The following GALNT18 variants were observed in gnomAD, a reference collection of about 807,000 sequenced individuals.
GALNT18 encodes GalNAc-transferase 18.
In GALNT18, 44 loss-of-function variants were observed where a neutral mutation model predicts 69.5. That is an observed-to-expected ratio of 0.63 (90% CI 0.50 to 0.81). The LOEUF is 0.81. Ranked by LOEUF, GALNT18 falls within the 40% of genes least tolerant of loss-of-function variation. GALNT18 has a pLI of 0.00. For missense variants in GALNT18, 715 were observed against 810.0 expected (o/e 0.88, Z 1.42); for synonymous variants, 364 against 318.2 (o/e 1.14, Z -1.53).
rs1159622420 is a variant in GALNT18, at chr11:11,555,148, T to C, written c.235+66211A>G. ...AGTCATCGGGACTTGAACTAAGGAC[T>C]CTGAATGATGAGTCCTGCTCAGGAT... On this transcript the variant is annotated intron_variant, in intron 1 of 10. Coordinates refer to ENST00000227756, the MANE Select transcript of GALNT18 (RefSeq NM_198516.3). This position sits in a 1 kb window ranked among gnomAD's most constrained non-coding sequence, Gnocchi z 4.7. Among the ~76,000 whole-genome samples, 4 of 152,168 alleles carry C rather than the reference T, an allele frequency of 2.6e-5. No homozygotes were observed. In the East Asian group the frequency reaches 5.8e-4, roughly 22 times the overall value.
chr11:11,541,717 C>G lies in GALNT18; in HGVS notation c.235+79642G>C, dbSNP rs572806228. On this transcript the variant is annotated intron_variant, in intron 1 of 10. Transcript: ENST00000227756. The surrounding 1 kb of genome is among the most constrained non-coding windows in gnomAD (Gnocchi z 4.8). ...CCACACCTCTATTGCCCCAAAGCGT[C>G]GCTAGTAGCCTTGGGGATTCCTCCC... 6.6e-6 allele frequency among the ~76,000 whole-genome samples: 1 copy of G among 152,226 alleles called. No individual in the cohort carries two copies. The highest frequency in any genetic ancestry group is 6.5e-5 in the Admixed American group (1 of 15,294).
chr11:11,310,153 G>A (rs1449910314), intron 9 of GALNT18, among the ~76,000 whole-genome samples: 5 of 152,088 alleles, frequency 3.3e-5, no homozygotes, highest in Non-Finnish European at 2.9e-5. Flanking sequence ...TCACTGCCAT[G>A]TCCTCCCAGA....
At chr11:11,501,753 G>C (rs1856977098) in intron 1 of GALNT18, among the ~76,000 whole-genome samples, 1 of 152,152 alleles carries the variant, frequency 6.6e-6, no homozygotes, top group Non-Finnish European at 1.5e-5. Flanking sequence ...AAATTCCTGG[G>C]AGGTAGAAGG....
intron 1 of GALNT18, among the ~76,000 whole-genome samples, chr11:11,456,244 A>G (rs1054186907): frequency 7.9e-5 from 12 of 152,082 alleles, no homozygotes; most frequent in African/African-American, 2.4e-4. Context: ...GGTTTAATCA[A>G]TCCCATCATA....
At chr11:11,352,069 C>T (rs1056965) in intron 6 of GALNT18, 2 of 1,613,824 alleles carry the variant, frequency 1.2e-6, no homozygotes, top group Non-Finnish European at 1.7e-6. Context: ...CCTGACATCA[C>T]ATTGGCGCTG....
intron 3 of GALNT18, among the ~76,000 whole-genome samples, chr11:11,412,163 C>T (rs917997047): frequency 1.3e-5 from 2 of 152,082 alleles, no homozygotes; most frequent in African/African-American, 2.4e-5. Context: ...CCTTCAACAC[C>T]GTTGCCAACC....
At chr11:11,279,180 T>C (rs775155448) in intron 10 of GALNT18, among the ~76,000 whole-genome samples, 1 of 152,232 alleles carries the variant, frequency 6.6e-6, no homozygotes, top group Non-Finnish European at 1.5e-5. Context: ...CTTCATCTTG[T>C]GACCTGCAAG....
intron 6 of GALNT18, among the ~76,000 whole-genome samples, chr11:11,362,621 A>G (rs1461035802): frequency 6.6e-6 from 1 of 152,178 alleles, no homozygotes; most frequent in Non-Finnish European, 1.5e-5. Flanking sequence ...ATGCAAATTA[A>G]AACTACCCTG....
intron 2 of GALNT18, among the ~76,000 whole-genome samples, chr11:11,433,579 T>C (rs1313044390): frequency 6.6e-6 from 1 of 152,250 alleles, no homozygotes; most frequent in African/African-American, 2.4e-5. Context: ...TTAGCTCTGC[T>C]GAAATCCTGA....
intron 5 of GALNT18, among the ~76,000 whole-genome samples, chr11:11,373,975 C>T (rs1358702452): frequency 6.6e-6 from 1 of 152,174 alleles, no homozygotes; most frequent in African/African-American, 2.4e-5. Context: ...GGAAACTTAT[C>T]AAGGTGGAGA....
intron 1 of GALNT18, among the ~76,000 whole-genome samples, chr11:11,522,280 G>A (rs1333130754): frequency 6.6e-6 from 1 of 152,090 alleles, no homozygotes; most frequent in African/African-American, 2.4e-5. Context: ...TCTGAGAGAC[G>A]GCTGCCCAAA....
chr11:11,322,692 G>A (rs1425356603), intron 9 of GALNT18, among the ~76,000 whole-genome samples: 1 of 152,180 alleles, frequency 6.6e-6, no homozygotes, highest in African/African-American at 2.4e-5. Context: ...TATAAAGCTG[G>A]GAGAAGTAAA....
At chr11:11,513,800 T>A (rs1270802829) in intron 1 of GALNT18, among the ~76,000 whole-genome samples, 1 of 152,172 alleles carries the variant, frequency 6.6e-6, no homozygotes, top group Non-Finnish European at 1.5e-5. Context: ...TATTTATTTA[T>A]TTTTTTTGTA....
intron 3 of GALNT18, among the ~76,000 whole-genome samples, chr11:11,403,909 G>A (rs746105231): frequency 6.6e-6 from 1 of 152,250 alleles, no homozygotes; most frequent in Middle Eastern, 3.2e-3. Context: ...TGGTACAGAG[G>A]AAACCCAGCC....
intron 8 of GALNT18, among the ~76,000 whole-genome samples, chr11:11,329,581 C>T (rs1849984306): frequency 6.6e-6 from 1 of 152,200 alleles, no homozygotes; most frequent in Non-Finnish European, 1.5e-5. Context: ...AGACCACATT[C>T]CTGTGCTTCA....
At position 11,587,315 on chromosome 11, in the gene GALNT18, CCA is replaced by C. The variant is rs1273835550; in HGVS notation, c.235+34042_235+34043del. On this transcript the variant is annotated intron_variant, in intron 1 of 10. Coordinates refer to ENST00000227756, the MANE Select transcript of GALNT18 (RefSeq NM_198516.3). This position sits in a 1 kb window ranked among gnomAD's most constrained non-coding sequence, Gnocchi z 4.4. Reference sequence around the variant, plus strand: ...GACTTGGGCTGAAAGGGGAAGCATTCCACAGAGTTGAGCACTGGCTGGAAATG... The same window carrying C: ...GACTTGGGCTGAAAGGGGAAGCATTCCAGAGTTGAGCACTGGCTGGAAATG... 6.6e-6 allele frequency among the ~76,000 whole-genome samples: 1 copy of C among 152,210 alleles called. No individual in the cohort carries two copies. Among genetic ancestry groups the C allele is most frequent in the East Asian group, 1.9e-4 (1 of 5,190 alleles).
intron 1 of GALNT18, among the ~76,000 whole-genome samples, chr11:11,508,176 C>A (rs552144994): frequency 6.6e-6 from 1 of 152,300 alleles, no homozygotes; most frequent in South Asian, 2.1e-4. Flanking sequence ...TCAAGCATTG[C>A]ATTTGCTTGT....
intron 1 of GALNT18, among the ~76,000 whole-genome samples, chr11:11,479,992 GCAAGGCTGCTA>G (rs1291771552): frequency 6.6e-6 from 1 of 152,164 alleles, no homozygotes; most frequent in Non-Finnish European, 1.5e-5. Context: ...GGAGAGAGGA[GCAAGGCTGCTA>G]CCCCAAGCCC....
At chr11:11,327,694 A>AT (rs1849948420) in intron 8 of GALNT18, among the ~76,000 whole-genome samples, 1 of 152,190 alleles carries the variant, frequency 6.6e-6, no homozygotes, top group African/African-American at 2.4e-5. Context: ...GGATGGGAGA[A>AT]TAAGAGAGGA....
Sources: gnomAD v4.1 joint callset for allele counts (sites outside exome capture counted in the v4.1 genomes callset) on GRCh38, gnomAD v4.1.1 for gene constraint, Gnocchi (gnomAD v3.1) non-coding constraint, MANE v1.5 for transcripts, NCBI Gene and HGNC (gene_info 2026-07-23, HGNC 2026-07-21) for gene names.